Variants in OTULINL observed in about 807,000 individuals in gnomAD.
The protein encoded by OTULINL is inactive ubiquitin thioesterase OTULINL.
In OTULINL, 42 loss-of-function variants were observed where a neutral mutation model predicts 43.9. The ratio of observed to expected loss-of-function variants is 0.96; its 90% CI spans 0.75 to 1.24. OTULINL has a LOEUF of 1.24. Among genes scored for constraint, OTULINL ranks in the 50% most tolerant of loss-of-function variants. The pLI is 0.00. For missense variants in OTULINL, 411 were observed against 426.4 expected (o/e 0.96, Z 0.32); for synonymous variants, 172 against 153.6 (o/e 1.12, Z -0.88).
intron 1 of OTULINL, among the ~76,000 whole-genome samples, chr5:14,600,203 G>C (rs548010508): frequency 1.3e-5 from 2 of 152,202 alleles, no homozygotes; most frequent in East Asian, 3.9e-4. Flanking sequence ...GTTTTATAAG[G>C]GGCTTTCCCC....
In OTULINL at chr5:14,612,887, C is replaced by G. The variant is rs958165189; in HGVS notation, c.*2573C>G. 1.3e-5 allele frequency among the ~76,000 whole-genome samples: 2 copies of G among 151,590 alleles called. No homozygotes were observed. The highest frequency in any genetic ancestry group is 4.8e-5 in the African/African-American group (2 of 41,242). ...CATATTAGTACAAGGCTGACTTTTA[C>G]TGTGGTAAAATACACATAACATATA... On this transcript the variant is annotated 3_prime_UTR_variant, in exon 8 of 8. Coordinates refer to ENST00000274217, the MANE Select transcript of OTULINL (RefSeq NM_019018.3).
chr5:14,591,544 A>C lies in OTULINL; in HGVS notation c.65-9421A>C, dbSNP rs543581413. Among the ~76,000 whole-genome samples, 3 of 152,090 alleles carry C rather than the reference A, an allele frequency of 2.0e-5. No individual in the cohort carries two copies. In the South Asian group the frequency reaches 6.3e-4, roughly 32 times the overall value. On this transcript the variant is annotated intron_variant, in intron 1 of 7. Coordinates refer to ENST00000274217, the MANE Select transcript of OTULINL (RefSeq NM_019018.3). ...AATCTGCCACTCAGATCAATCTCTC[A>C]CCTTCAGGAAGGAGTAAAGGCGGTA...
intron 1 of OTULINL, among the ~76,000 whole-genome samples, chr5:14,597,342 G>A (rs756151469): frequency 6.6e-6 from 1 of 152,144 alleles, no homozygotes; most frequent in Non-Finnish European, 1.5e-5. Context: ...TGTGCACCAG[G>A]CTCTACTATG....
In OTULINL at chr5:14,615,886, G is replaced by A. The variant is rs188590532; in HGVS notation, c.*5572G>A. The stretch of plus-strand genomic sequence containing the variant: ...TATGTCTTTACAAGCAAATTGAAAC[G>A]ACATGCTCTTCTTTGTACTATACAG... On this transcript the variant is annotated 3_prime_UTR_variant, in exon 8 of 8. Transcript: ENST00000274217. Among the ~76,000 whole-genome samples, 199 of 152,282 alleles carry A rather than the reference G, an allele frequency of 1.3e-3. No homozygotes were observed. The highest frequency in any genetic ancestry group is 4.5e-3 in the African/African-American group (187 of 41,552).
chr5:14,597,486 T>C (rs779934481), intron 1 of OTULINL, among the ~76,000 whole-genome samples: 1 of 152,222 alleles, frequency 6.6e-6, no homozygotes, highest in Admixed American at 6.5e-5. Context: ...TACTGCCTGC[T>C]CCATGGCATG....
intron 1 of OTULINL, among the ~76,000 whole-genome samples, chr5:14,587,630 C>T (rs1759128798): frequency 6.6e-6 from 1 of 152,094 alleles, no homozygotes; most frequent in Non-Finnish European, 1.5e-5. Flanking sequence ...TGATTCCTTC[C>T]TAGGAGATCT....
intron 1 of OTULINL, 24 bp downstream of exon 1, chr5:14,581,982 G>T (rs1466088382): frequency 7.9e-7 from 1 of 1,260,146 alleles, no homozygotes; most frequent in South Asian, 2.7e-5. Flanking sequence ...CGGGCGGGGC[G>T]GGGCGGGGGG....
chr5:14,602,302 A>G lies in OTULINL; in HGVS notation c.468A>G (p.Pro156=), dbSNP rs1759402511. 2 of 1,613,756 alleles carry G rather than the reference A, an allele frequency of 1.2e-6. No individual in the cohort carries two copies. The highest frequency in any genetic ancestry group is 1.7e-6 in the Non-Finnish European group (2 of 1,179,836). ...FQIFSQGISF[P]SWMKEKDIVK... Reference sequence around the variant, plus strand: ...TATTCAGCCAGGGCATCTCTTTTCCATCATGGATGAAAGAAAAGGACATTG... The same window carrying G: ...TATTCAGCCAGGGCATCTCTTTTCCGTCATGGATGAAAGAAAAGGACATTG... Residue 156 remains proline, a synonymous_variant, in exon 5 of 8, where the codon CCA becomes CCG. Coordinates refer to ENST00000274217, the MANE Select transcript of OTULINL (RefSeq NM_019018.3).
At chr5:14,589,942 A>G (rs1308632502) in intron 1 of OTULINL, among the ~76,000 whole-genome samples, 1 of 150,350 alleles carries the variant, frequency 6.7e-6, no homozygotes, top group Non-Finnish European at 1.5e-5. Context: ...AATCAATCTG[A>G]AAAAAAAAAA....
In OTULINL at chr5:14,590,920, A is replaced by G. The variant is rs1364345949; in HGVS notation, c.64+8962A>G. The stretch of plus-strand genomic sequence containing the variant: ...ATGGAAAGAGTTTTACATTGTAAAG[A>G]GTTTTGCATTGTAAAGAGTTTTGCA... On this transcript the variant is annotated intron_variant, in intron 1 of 7. Transcript: ENST00000274217. 4.6e-5 allele frequency among the ~76,000 whole-genome samples: 7 copies of G among 151,960 alleles called. No individual in the cohort carries two copies. In the East Asian group the frequency reaches 1.3e-3, roughly 29 times the overall value.
At chr5:14,608,187 C>T (rs1427969698) in intron 6 of OTULINL, among the ~76,000 whole-genome samples, 1 of 152,128 alleles carries the variant, frequency 6.6e-6, no homozygotes, top group Non-Finnish European at 1.5e-5. Flanking sequence ...AATATTTTAT[C>T]TAAACTAATT....
In OTULINL at chr5:14,610,375, C is replaced by A; in HGVS notation, c.*61C>A. 1 of 1,553,334 alleles carries A rather than the reference C, an allele frequency of 6.4e-7. No individual in the cohort carries two copies. The highest frequency in any genetic ancestry group is 8.8e-7 in the Non-Finnish European group (1 of 1,137,280). ...ACGGTGGTCACAGTTGCAATAAAGT[C>A]TCTCTCTGAAACCAAAGCTAGCATT... On this transcript the variant is annotated 3_prime_UTR_variant, in exon 8 of 8. Coordinates refer to ENST00000274217, the MANE Select transcript of OTULINL (RefSeq NM_019018.3).
chr5:14,597,948 A>AT (rs1759315029), intron 1 of OTULINL, among the ~76,000 whole-genome samples: 2 of 151,848 alleles, frequency 1.3e-5, no homozygotes, highest in Admixed American at 6.6e-5. Flanking sequence ...TGGGGTTGAG[A>AT]TTTGAGGGTA....
At chr5:14,581,986 C>T (rs1294305720) in intron 1 of OTULINL, 28 bp downstream of exon 1, 40 of 857,694 alleles carry the variant, frequency 4.7e-5, no homozygotes, top group Non-Finnish European at 6.1e-5. Context: ...CGGGGCGGGG[C>T]GGGGGGCGCG....
Position 14,581,803 on chromosome 5 carries a change from G to A in OTULINL, c.-92G>A, listed in dbSNP as rs1759000259. On this transcript the variant is annotated 5_prime_UTR_variant, in exon 1 of 8. Coordinates refer to ENST00000274217, the MANE Select transcript of OTULINL (RefSeq NM_019018.3). ...GCCCTCCCCAGCCCGCCTCAGGGAA[G>A]CGAGCCCGGGCGCCGGCGGGCGGCC... 9.3e-7 allele frequency: 1 copy of A among 1,080,570 alleles called. No individual in the cohort carries two copies. Among genetic ancestry groups the A allele is most frequent in the Non-Finnish European group, 1.2e-6 (1 of 838,764 alleles). 66.9% of individuals were successfully genotyped at this position (1,080,570 alleles called of 1,614,324 possible).
At chr5:14,585,080 A>G (rs1759083796) in intron 1 of OTULINL, among the ~76,000 whole-genome samples, 1 of 152,140 alleles carries the variant, frequency 6.6e-6, no homozygotes, top group South Asian at 2.1e-4. Context: ...GAGAATCGTG[A>G]CCTTATTCTA....
chr5:14,586,869 C>T (rs2126769381), intron 1 of OTULINL, among the ~76,000 whole-genome samples: 1 of 150,806 alleles, frequency 6.6e-6, no homozygotes, highest in Admixed American at 6.6e-5. Context: ...CAAGCGTTCA[C>T]TGTTTCAAAA....
At chr5:14,593,451 A>C (rs768794899) in intron 1 of OTULINL, among the ~76,000 whole-genome samples, 1 of 152,184 alleles carries the variant, frequency 6.6e-6, no homozygotes, top group Non-Finnish European at 1.5e-5. Flanking sequence ...GAATGAAGAC[A>C]AGAGTCCTTT....
chr5:14,586,099 T>C (rs1329976162), intron 1 of OTULINL, among the ~76,000 whole-genome samples: 1 of 152,234 alleles, frequency 6.6e-6, no homozygotes, highest in African/African-American at 2.4e-5. Flanking sequence ...ATTATTGGAT[T>C]AATATGTTTG....
Sources: gnomAD v4.1 joint callset for allele counts (sites outside exome capture counted in the v4.1 genomes callset) on GRCh38, gnomAD v4.1.1 for gene constraint, MANE v1.5 for transcripts, NCBI Gene and HGNC (gene_info 2026-07-23, HGNC 2026-07-21) for gene names.